Variants in DPH6 observed in about 807,000 individuals in gnomAD.
DPH6 encodes the protein diphthamine biosynthesis 6.
A neutral mutation model predicts 38.2 loss-of-function variants in DPH6; 33 were observed. The ratio of observed to expected loss-of-function variants is 0.86; its 90% CI spans 0.65 to 1.15. The LOEUF is 1.15. DPH6 is among the 50% of genes most tolerant of loss of function. The probability of loss-of-function intolerance (pLI) is 0.00; values close to 1 mark genes in which losing one functional copy is unlikely to be tolerated. For missense variants in DPH6, 325 were observed against 320.0 expected, an observed-to-expected ratio of 1.02 and a Z score of -0.12; for synonymous variants, 108 against 103.0, an observed-to-expected ratio of 1.05 and a Z score of -0.30.
At chr15:35,341,720 T>C (rs1005384074) in intron 3 of DPH6, among the ~76,000 whole-genome samples, 11 of 152,210 alleles carry the variant, frequency 7.2e-5, no homozygotes, top group Non-Finnish European at 2.9e-5. Flanking sequence ...ACAGTAAAGC[T>C]GTCAGCCTGC....
downstream of DPH6, among the ~76,000 whole-genome samples, chr15:35,328,492 C>T (rs2052302675): frequency 1.3e-5 from 2 of 152,068 alleles, no homozygotes; most frequent in Non-Finnish European, 2.9e-5. Flanking sequence ...GTACTTGACA[C>T]AGAGTAGGTG....
At chr15:35,321,387 T>A (rs774910198) in intron 3 of DPH6, among the ~76,000 whole-genome samples, 2 of 152,348 alleles carry the variant, frequency 1.3e-5, no homozygotes, top group South Asian at 2.1e-4. Context: ...CACAATAGAA[T>A]ACATAGGAGT....
intron 3 of DPH6, among the ~76,000 whole-genome samples, chr15:35,240,372 C>T (rs1037029614): frequency 7.0e-6 from 1 of 142,792 alleles, no homozygotes; most frequent in African/African-American, 2.5e-5. Flanking sequence ...TTCCCTCCCT[C>T]CTGTCCCCTC....
chr15:35,482,662 T>C (rs1349725809), intron 3 of DPH6, among the ~76,000 whole-genome samples: 2 of 152,164 alleles, frequency 1.3e-5, no homozygotes, highest in African/African-American at 4.8e-5. Flanking sequence ...AGTATTCAGA[T>C]GCAAAATGAT....
intron 3 of DPH6, among the ~76,000 whole-genome samples, chr15:35,486,753 A>G (rs1353538384): frequency 2.0e-5 from 3 of 152,192 alleles, no homozygotes; most frequent in African/African-American, 7.2e-5. Flanking sequence ...ACAGTTCCCC[A>G]AAGTCTTAAC....
intron 3 of DPH6, among the ~76,000 whole-genome samples, chr15:35,502,947 CACACACACAT>C (rs2054646849): frequency 6.8e-6 from 1 of 147,528 alleles, no homozygotes. Flanking sequence ...TATATATATA[CACACACACAT>C]ACACACACAC....
intron 3 of DPH6, among the ~76,000 whole-genome samples, chr15:35,365,418 T>G (rs544130476): frequency 1.3e-5 from 2 of 152,156 alleles, no homozygotes; most frequent in African/African-American, 4.8e-5. Context: ...GTGTTCTGAA[T>G]GAATAAATCG....
chr15:35,491,752 T>C (rs2054483323), intron 3 of DPH6, among the ~76,000 whole-genome samples: 2 of 150,910 alleles, frequency 1.3e-5, no homozygotes, highest in South Asian at 4.1e-4. Context: ...AATTTACATG[T>C]ATGTATACAC....
chr15:35,198,132 T>C, the DPH6 span, among the ~76,000 whole-genome samples: 1 of 149,132 alleles, frequency 6.7e-6, no homozygotes, highest in African/African-American at 2.5e-5. Flanking sequence ...CCAGGTACTC[T>C]AGTTGTTTTT....
At chr15:35,265,914 T>C (rs1183252822) in intron 3 of DPH6, among the ~76,000 whole-genome samples, 3 of 152,288 alleles carry the variant, frequency 2.0e-5, no homozygotes, top group South Asian at 2.1e-4. Context: ...AATTGCTTTG[T>C]TGATATTGAA....
intron 3 of DPH6, among the ~76,000 whole-genome samples, chr15:35,485,156 A>G (rs1473415863): frequency 6.6e-6 from 1 of 152,174 alleles, no homozygotes; most frequent in African/African-American, 2.4e-5. Context: ...TGAGGCATGG[A>G]TAGGTAAAAT....
At chr15:35,402,749 T>C (rs1199414696) in intron 6 of DPH6, among the ~76,000 whole-genome samples, 3 of 152,066 alleles carry the variant, frequency 2.0e-5, no homozygotes, top group Non-Finnish European at 4.4e-5. Context: ...TAAAGTTTTG[T>C]ATTCTTTAAC....
At chr15:35,466,089 T>C (rs1032066441) in intron 3 of DPH6, among the ~76,000 whole-genome samples, 1 of 152,112 alleles carries the variant, frequency 6.6e-6, no homozygotes, top group African/African-American at 2.4e-5. Flanking sequence ...CACACCCAGC[T>C]ACTCTGGAGG....
the DPH6 span, among the ~76,000 whole-genome samples, chr15:35,177,601 ATC>A: frequency 0.11 from 12,121 of 108,240 alleles, 1,058 homozygotes; most frequent in East Asian, 0.23. Context: ...AAAAAAAAAA[ATC>A]ATCATCATCA....
chr15:35,215,483 G>A (rs2051406372), downstream of DPH6, among the ~76,000 whole-genome samples: 1 of 151,962 alleles, frequency 6.6e-6, no homozygotes, highest in African/African-American at 2.4e-5. Context: ...CAAACTCTTG[G>A]GCTCTTACTC....
intron 3 of DPH6, among the ~76,000 whole-genome samples, chr15:35,300,884 A>G (rs1441017790): frequency 4.6e-5 from 7 of 152,140 alleles, no homozygotes; most frequent in Non-Finnish European, 4.4e-5. Flanking sequence ...ACCCCACTAC[A>G]TTACCTGTTT....
chr15:35,206,623 T>A, the DPH6 span, among the ~76,000 whole-genome samples: 1 of 152,182 alleles, frequency 6.6e-6, no homozygotes, highest in East Asian at 1.9e-4. Context: ...AGAATTCAGA[T>A]AAGTAAGCAC....
At chr15:35,217,092 G>C (rs774860864), downstream of DPH6, among the ~76,000 whole-genome samples, 17 of 152,128 alleles carry the variant, frequency 1.1e-4, no homozygotes, top group African/African-American at 1.4e-4. Context: ...AAATGTAAGT[G>C]ATAATAATGT....
intron 3 of DPH6, among the ~76,000 whole-genome samples, chr15:35,294,531 G>C (rs2052001902): frequency 1.3e-5 from 2 of 152,162 alleles, no homozygotes; most frequent in African/African-American, 4.8e-5. Context: ...AGTACCTCCT[G>C]TTGGTTCTCT....
Sources: allele counts gnomAD v4.1 joint callset (sites outside exome capture counted in the v4.1 genomes callset), GRCh38; gene constraint gnomAD v4.1.1; transcripts MANE v1.5; gene names NCBI Gene and HGNC (gene_info 2026-07-23, HGNC 2026-07-21).